SYNE2: variants seen among roughly 807,000 people sequenced by gnomAD.
SYNE2 encodes spectrin repeat containing nuclear envelope protein 2, also known as nesprin-2.
SYNE2 carries 431 observed loss-of-function variants against 856.3 expected under a neutral mutation model. The ratio of observed to expected loss-of-function variants is 0.50; its 90% CI spans 0.47 to 0.55. SYNE2 has a LOEUF of 0.55. Ranked by LOEUF, SYNE2 falls within the 20% of genes least tolerant of loss-of-function variation. The pLI is 0.00. For missense variants in SYNE2, 8,129 were observed against 8,023.2 expected, an observed-to-expected ratio of 1.01 and a Z score of -0.50; for synonymous variants, 2,923 against 2,872.3, an observed-to-expected ratio of 1.02 and a Z score of -0.56.
chr14:63,765,678 AAAC>A (rs1886652438), intron 1 of SYNE2, among the ~76,000 whole-genome samples: 1 of 152,166 alleles, frequency 6.6e-6, no homozygotes, highest in Admixed American at 6.5e-5. Flanking sequence ...GACTTTTAAA[AAAC>A]AACAAGAAAT....
At chr14:64,015,270 T>G (rs1310308952) in intron 32 of SYNE2, among the ~76,000 whole-genome samples, 2 of 151,838 alleles carry the variant, frequency 1.3e-5, no homozygotes, top group Non-Finnish European at 2.9e-5. Context: ...ATAATTGCTG[T>G]TAAATCTCCT....
At chr14:64,163,308 A>T in intron 88 of SYNE2, 94 bp from the exon 89 acceptor site, 1 of 1,424,830 alleles carries the variant, frequency 7.0e-7, no homozygotes, top group Non-Finnish European at 9.8e-7. Flanking sequence ...TTTTCAGGGC[A>T]AATATTCTCC....
chr14:63,984,711 A>G (rs1008124479), intron 18 of SYNE2, among the ~76,000 whole-genome samples: 4 of 152,246 alleles, frequency 2.6e-5, no homozygotes, highest in Admixed American at 2.6e-4. Context: ...GATAACTTAC[A>G]CAGCTTTACT....
chr14:64,053,606 T>A lies in SYNE2; in HGVS notation c.9693T>A (p.Arg3231=). The change falls in exon 48 of 116, where the codon CGT becomes CGA. Residue 3231 remains arginine, a synonymous_variant. Coordinates refer to ENST00000555002, the MANE Select transcript of SYNE2 (RefSeq NM_182914.3). ...CGAGTGATGTGGAGACAAAACTACG[T>A]GAGTTTGAAGATCTTCAGATGCAGC... ...SEASDVETKL[R]EFEDLQMQLN... is the part of the protein sequence containing the mutation. 6.2e-7 allele frequency: 1 copy of A among 1,613,122 alleles called. No individual in the cohort carries two copies. The highest frequency in any genetic ancestry group is 8.5e-7 in the Non-Finnish European group (1 of 1,179,796).
intron 2 of SYNE2, among the ~76,000 whole-genome samples, chr14:63,912,338 G>A (rs956755902): frequency 2.3e-4 from 35 of 151,812 alleles, no homozygotes; most frequent in Non-Finnish European, 2.6e-4. Context: ...AGGATTATTA[G>A]CTATTTGAGA....
intron 52 of SYNE2, 90 bp from the exon 53 acceptor site, chr14:64,073,878 C>A: frequency 1.4e-6 from 2 of 1,383,342 alleles, no homozygotes; most frequent in East Asian, 2.3e-5. Flanking sequence ...GCTATTCAGG[C>A]ATTTCATTAA....
chr14:63,991,365 CTA>C (rs1160311958), intron 21 of SYNE2, among the ~76,000 whole-genome samples: 3 of 152,166 alleles, frequency 2.0e-5, no homozygotes, highest in Non-Finnish European at 4.4e-5. Flanking sequence ...GCAGCCGACT[CTA>C]TGACATTGAA....
intron 6 of SYNE2, among the ~76,000 whole-genome samples, chr14:63,944,585 A>G (rs1270051): frequency 0.71 from 98,722 of 138,204 alleles, 35,224 homozygotes; most frequent in South Asian, 0.78. Context: ...GTGCAGTGGC[A>G]GGATCTTGGC....
At chr14:63,766,371 C>T (rs1287707030) in intron 1 of SYNE2, among the ~76,000 whole-genome samples, 1 of 152,128 alleles carries the variant, frequency 6.6e-6, no homozygotes, top group East Asian at 1.9e-4. Flanking sequence ...TGAGCCACTG[C>T]TCCCAGCCAA....
intron 60 of SYNE2, among the ~76,000 whole-genome samples, chr14:64,093,036 T>C (rs1283002713): frequency 6.6e-6 from 1 of 151,826 alleles, no homozygotes; most frequent in African/African-American, 2.4e-5. Context: ...AGCAACTTTA[T>C]GTTAACACGC....
intron 30 of SYNE2, 113 bp from the exon 31 acceptor site, chr14:64,006,930 A>AT: frequency 1.2e-6 from 1 of 822,716 alleles, no homozygotes; most frequent in Admixed American, 2.0e-5. Flanking sequence ...TAATTTTGGC[A>AT]TTAACCACAT....
intron 1 of SYNE2, among the ~76,000 whole-genome samples, chr14:63,823,546 G>A: frequency 6.6e-6 from 1 of 151,754 alleles, no homozygotes; most frequent in Non-Finnish European, 1.5e-5. Flanking sequence ...TAAAAGAGGA[G>A]GGAACACTCC....
chr14:64,061,763 T>C (rs1299828091), intron 49 of SYNE2, among the ~76,000 whole-genome samples: 1 of 152,234 alleles, frequency 6.6e-6, no homozygotes, highest in Non-Finnish European at 1.5e-5. Flanking sequence ...TTTATAGTTA[T>C]ATGTGTTACA....
intron 57 of SYNE2, among the ~76,000 whole-genome samples, chr14:64,082,044 C>T (rs932185261): frequency 5.3e-5 from 8 of 151,904 alleles, no homozygotes; most frequent in African/African-American, 1.9e-4. Flanking sequence ...CGAGATCGCA[C>T]CACTGCACTC....
chr14:64,129,090 T>A (rs10047901), intron 74 of SYNE2, among the ~76,000 whole-genome samples: 1 of 152,136 alleles, frequency 6.6e-6, no homozygotes, highest in Non-Finnish European at 1.5e-5. Context: ...GGTGGATCAC[T>A]TGAAGCCAGG....
chr14:64,008,433 A>T (rs748168133), intron 31 of SYNE2, among the ~76,000 whole-genome samples: 1 of 152,250 alleles, frequency 6.6e-6, no homozygotes, highest in Non-Finnish European at 1.5e-5. Context: ...TTGCCTGTCA[A>T]TAACGGCTGC....
chr14:64,052,016 T>C lies in SYNE2; in HGVS notation c.8103T>C (p.Asn2701=). 1 of 1,613,608 alleles carries C rather than the reference T, an allele frequency of 6.2e-7. No individual in the cohort carries two copies. The highest frequency in any genetic ancestry group is 8.5e-7 in the Non-Finnish European group (1 of 1,179,932). The change falls in exon 48 of 116, where the codon AAT becomes AAC. Residue 2701 remains asparagine, a synonymous_variant. Transcript: ENST00000555002. The part of the protein sequence containing the change: ...KRIWGEKEKK[N]LEDGINNLKK... ...TTTGGGGAGAAAAAGAAAAGAAGAA[T>C]TTGGAGGATGGAATAAATAACTTGA...
intron 1 of SYNE2, among the ~76,000 whole-genome samples, chr14:63,774,659 C>T (rs1186804970): frequency 2.6e-5 from 4 of 151,688 alleles, no homozygotes; most frequent in South Asian, 2.1e-4. Flanking sequence ...CTCAGCCTCC[C>T]AGGTAGATGG....
Position 64,052,178 on chromosome 14 carries a change from C to T in SYNE2, c.8265C>T (p.Pro2755=), listed in dbSNP as rs990216624. Residue 2755 remains proline (P), a synonymous_variant, in exon 48 of 116, where the codon CCC becomes CCT. Transcript: ENST00000555002. ...NLLGELNPSI[P]LLPDDILSQI... Reference sequence around the variant, plus strand: ...TGGGTGAACTTAATCCCTCCATTCCCCTTCTCCCAGATGACATTCTTTCAC... The same window carrying T: ...TGGGTGAACTTAATCCCTCCATTCCTCTTCTCCCAGATGACATTCTTTCAC... 3.7e-6 allele frequency: 6 copies of T among 1,614,176 alleles called. No individual in the cohort carries two copies. The highest frequency in any genetic ancestry group is 1.3e-5 in the African/African-American group (1 of 75,042).
Sources: gnomAD v4.1 joint callset for allele counts (sites outside exome capture counted in the v4.1 genomes callset) on GRCh38, gnomAD v4.1.1 for gene constraint, MANE v1.5 for transcripts, NCBI Gene and HGNC (gene_info 2026-07-23, HGNC 2026-07-21) for gene names.